CHODL: variants seen among roughly 807,000 people sequenced by gnomAD.
CHODL encodes the protein chondrolectin, also known as transmembrane protein MT75.
In CHODL, 29 loss-of-function variants were observed where a neutral mutation model predicts 34.5. The ratio of observed to expected loss-of-function variants is 0.84; its 90% CI spans 0.63 to 1.15. The LOEUF is 1.15. Among genes scored for constraint, CHODL ranks in the 50% most tolerant of loss-of-function variants. The pLI, the probability that CHODL is intolerant of heterozygous loss-of-function variation, is 0.00. For synonymous variants in CHODL, 125 were observed against 116.1 expected (o/e 1.08, Z -0.49); for missense variants, 332 against 332.5 (o/e 1.00, Z 0.01).
intron 2 of CHODL, among the ~76,000 whole-genome samples, chr21:18,073,081 C>T (rs1214504938): frequency 6.6e-6 from 1 of 152,056 alleles, no homozygotes; most frequent in Non-Finnish European, 1.5e-5. Context: ...ATATTACAAA[C>T]CATCTCAGTG....
At chr21:17,973,480 A>G (rs1356654252) in intron 1 of CHODL, among the ~76,000 whole-genome samples, 1 of 145,038 alleles carries the variant, frequency 6.9e-6, no homozygotes, top group African/African-American at 2.6e-5. Context: ...GCAATGGCTC[A>G]ATCTCGGCTC....
At position 18,212,175 on chromosome 21, in the gene CHODL, GA is replaced by G. The variant is rs574546873; in HGVS notation, c.-44-44327del. ...ACTGATGTCTAATATGTTTATTGTTGAAAAAAATCCAATCGATATCAGTCTG... is the reference window on the plus strand; with the variant it reads ...ACTGATGTCTAATATGTTTATTGTTGAAAAAATCCAATCGATATCAGTCTG... On this transcript the variant is annotated intron_variant, in intron 2 of 6. Transcript: ENST00000400127. Among the ~76,000 whole-genome samples, 500 of 152,032 alleles carry G rather than the reference GA, an allele frequency of 3.3e-3. 1 individual carries two copies. The highest frequency in any genetic ancestry group is 5.6e-3 in the Non-Finnish European group (381 of 67,956).
intron 2 of CHODL, among the ~76,000 whole-genome samples, chr21:18,052,421 C>T (rs906613465): frequency 1.3e-5 from 2 of 151,894 alleles, no homozygotes; most frequent in Non-Finnish European, 2.9e-5. Context: ...TAGGCTAGTA[C>T]CTTTCAACTC....
At chr21:17,937,803 A>T (rs2063329927) in intron 1 of CHODL, among the ~76,000 whole-genome samples, 1 of 152,156 alleles carries the variant, frequency 6.6e-6, no homozygotes, top group African/African-American at 2.4e-5. Flanking sequence ...TTTTAATAAA[A>T]TTTTGTCATC....
intron 2 of CHODL, among the ~76,000 whole-genome samples, chr21:18,072,513 A>T (rs1381525547): frequency 6.6e-6 from 1 of 152,292 alleles, no homozygotes; most frequent in African/African-American, 2.4e-5. Context: ...TAAAATAAGT[A>T]TTTGAAGTTA....
At chr21:18,138,488 T>A (rs1393599289) in intron 2 of CHODL, among the ~76,000 whole-genome samples, 1 of 152,210 alleles carries the variant, frequency 6.6e-6, no homozygotes, top group Non-Finnish European at 1.5e-5. Flanking sequence ...CTTTTTCTGT[T>A]ATCATATTTA....
At chr21:18,101,873 G>A (rs769072912) in intron 2 of CHODL, among the ~76,000 whole-genome samples, 7 of 152,066 alleles carry the variant, frequency 4.6e-5, no homozygotes, top group Non-Finnish European at 1.0e-4. Flanking sequence ...GCTTGGTCAT[G>A]GCCCAAATTG....
At chr21:18,115,862 C>CT (rs1415021276) in intron 2 of CHODL, among the ~76,000 whole-genome samples, 1 of 152,138 alleles carries the variant, frequency 6.6e-6, no homozygotes, top group African/African-American at 2.4e-5. Flanking sequence ...ATCCCTGTGT[C>CT]TTTTTTCCCA....
intron 2 of CHODL, among the ~76,000 whole-genome samples, chr21:18,042,210 T>A (rs1246300991): frequency 6.6e-6 from 1 of 151,952 alleles, no homozygotes; most frequent in Non-Finnish European, 1.5e-5. Context: ...GGAGACAATT[T>A]GTTTTCCAGG....
At chr21:18,008,139 TTTC>T (rs1404248334) in intron 1 of CHODL, among the ~76,000 whole-genome samples, 3 of 152,110 alleles carry the variant, frequency 2.0e-5, no homozygotes, top group African/African-American at 4.8e-5. Flanking sequence ...TTTAAATATT[TTTC>T]TTCTTTTTTT....
upstream of CHODL, among the ~76,000 whole-genome samples, chr21:18,241,081 T>C (rs1164143240): frequency 6.6e-6 from 1 of 152,114 alleles, no homozygotes; most frequent in Non-Finnish European, 1.5e-5. Context: ...TAGACATGTT[T>C]TGAAAAGAGC....
At chr21:17,926,847 A>AG (rs2063227382) in intron 1 of CHODL, among the ~76,000 whole-genome samples, 1 of 152,102 alleles carries the variant, frequency 6.6e-6, no homozygotes, top group African/African-American at 2.4e-5. Flanking sequence ...CAAATATTAT[A>AG]AAAAGAATAC....
intron 2 of CHODL, among the ~76,000 whole-genome samples, chr21:18,194,596 T>G (rs1327589298): frequency 8.2e-6 from 1 of 121,426 alleles, no homozygotes; most frequent in Non-Finnish European, 1.8e-5. Context: ...AGTCACTGAG[T>G]TACTCTTAAA....
chr21:18,137,277 C>T (rs961475916), intron 2 of CHODL, among the ~76,000 whole-genome samples: 1 of 152,126 alleles, frequency 6.6e-6, no homozygotes, highest in Non-Finnish European at 1.5e-5. Context: ...GTTTGCCCTC[C>T]TCCAATTTCT....
At position 18,047,560 on chromosome 21, in the gene CHODL, C is replaced by T. The variant is rs76848198; in HGVS notation, c.-45+19589C>T. Among the ~76,000 whole-genome samples, 1,413 of 151,902 alleles carry T rather than the reference C, an allele frequency of 9.3e-3. 25 individuals are homozygous for T. Among genetic ancestry groups the T allele is most frequent in the Admixed American group, 0.028 (429 of 15,220 alleles). ...GCTGAGCAGAGCACAGCAGTTTAGC[C>T]GTTTTCTGATTAGAGAAGGGAGGAA... is the stretch of plus-strand genomic sequence containing the variant. On this transcript the variant is annotated intron_variant, in intron 2 of 6. Coordinates refer to the CHODL transcript ENST00000400127.
chr21:18,169,267 T>C (rs1345056788), intron 2 of CHODL, among the ~76,000 whole-genome samples: 1 of 152,134 alleles, frequency 6.6e-6, no homozygotes, highest in Non-Finnish European at 1.5e-5. Flanking sequence ...CTTTCTAGAA[T>C]ATTGTCCATT....
intron 2 of CHODL, among the ~76,000 whole-genome samples, chr21:18,189,795 C>T (rs1006889428): frequency 2.0e-5 from 3 of 151,836 alleles, no homozygotes; most frequent in South Asian, 2.1e-4. Context: ...CCACCATGCC[C>T]GGCTAATTTT....
At chr21:18,188,544 G>A (rs2073471818) in intron 2 of CHODL, among the ~76,000 whole-genome samples, 1 of 152,198 alleles carries the variant, frequency 6.6e-6, no homozygotes, top group East Asian at 1.9e-4. Context: ...GATAAAAGAA[G>A]GAAGTAGTGC....
chr21:18,070,027 C>CCTTCCCTTCCCTCCCCT (rs1380432271), intron 2 of CHODL, among the ~76,000 whole-genome samples: 2 of 68,636 alleles, frequency 2.9e-5, no homozygotes, highest in Non-Finnish European at 6.4e-5. Context: ...CCCTTCCCTC[C>CCTTCCCTTCCCTCCCCT]CCCCCCCCAC....
Sources: allele counts gnomAD v4.1 joint callset (sites outside exome capture counted in the v4.1 genomes callset), GRCh38; gene constraint gnomAD v4.1.1; transcripts MANE v1.5; gene names NCBI Gene and HGNC (gene_info 2026-07-23, HGNC 2026-07-21).